The following OLFM2 variants were observed in gnomAD, a reference collection of about 807,000 sequenced individuals.
OLFM2 encodes the protein olfactomedin 2.
Under a neutral mutation model 43.9 loss-of-function variants are expected in OLFM2, and 20 were observed. That is an observed-to-expected ratio of 0.46 (90% CI 0.32 to 0.66). The LOEUF is 0.66. OLFM2 is among the 30% of genes least tolerant of loss of function. The probability of loss-of-function intolerance (pLI) is 0.04; values close to 1 mark genes in which losing one functional copy is unlikely to be tolerated. For missense variants in OLFM2, 416 were observed against 643.6 expected, an observed-to-expected ratio of 0.65 and a Z score of 3.83; for synonymous variants, 268 against 278.6, an observed-to-expected ratio of 0.96 and a Z score of 0.38.
At chr19:9,913,348 GC>G (rs1276460841) in intron 1 of OLFM2, 1 of 399,288 alleles carries the variant, frequency 2.5e-6, no homozygotes, top group Non-Finnish European at 3.5e-6. Context: ...CCCTACCCAG[GC>G]GTGCCGGGCA....
In OLFM2 at chr19:9,856,819, A is replaced by G; in HGVS notation, c.675T>C (p.Ser225=). Residue 225 remains serine (S), a synonymous_variant, in exon 5 of 6, where the codon AGT becomes AGC. Coordinates refer to ENST00000264833, the MANE Select transcript of OLFM2 (RefSeq NM_058164.4). The surrounding 1 kb of genome is among the most constrained non-coding windows in gnomAD (Gnocchi z 4.0). ...CGCAGTCACTCACCCGGCTATCCGC[A>G]CTGGGGGCCATCGTGTCAGTCATCC... ...GSWMTDTMAP[S]ADSRVWYMDG... is the part of the protein sequence containing the mutation. The G allele has an allele frequency of 1.9e-6, 3 of 1,613,340 alleles. No homozygotes were observed. Among genetic ancestry groups the G allele is most frequent in the Non-Finnish European group, 2.5e-6 (3 of 1,179,774 alleles).
At chr19:9,905,558 T>A (rs1490599294) in intron 1 of OLFM2, among the ~76,000 whole-genome samples, 2 of 145,792 alleles carry the variant, frequency 1.4e-5, no homozygotes, top group Non-Finnish European at 3.0e-5. Context: ...GGAGAATCAC[T>A]GGAACCCGGG....
At chr19:9,855,407 A>G (rs2046308642) in intron 5 of OLFM2, among the ~76,000 whole-genome samples, 1 of 150,902 alleles carries the variant, frequency 6.6e-6, no homozygotes, top group African/African-American at 2.4e-5. Flanking sequence ...CACCCGGCTA[A>G]TTTTTGTATT....
intron 1 of OLFM2, among the ~76,000 whole-genome samples, chr19:9,878,943 C>A (rs1389001007): frequency 2.0e-5 from 3 of 152,076 alleles, no homozygotes; most frequent in Non-Finnish European, 4.4e-5. Context: ...ACCTCCTGGA[C>A]TCAAGCGATC....
intron 1 of OLFM2, among the ~76,000 whole-genome samples, chr19:9,902,926 C>T (rs2046753298): frequency 6.6e-6 from 1 of 151,856 alleles, no homozygotes; most frequent in South Asian, 2.1e-4. Flanking sequence ...GATCCTCCTG[C>T]CTTGGCCTCC....
rs1053279377 is a variant in OLFM2, at chr19:9,929,892, A to G, written c.63+6412T>C. 9.2e-5 allele frequency among the ~76,000 whole-genome samples: 14 copies of G among 152,238 alleles called. 1 individual carries two copies. Among genetic ancestry groups the G allele is most frequent in the Admixed American group, 1.3e-4 (2 of 15,282 alleles). On this transcript the variant is annotated intron_variant, in intron 1 of 5. Coordinates refer to ENST00000264833, the MANE Select transcript of OLFM2 (RefSeq NM_058164.4). ...TCGTCTCTACTAAAAATACAAAATT[A>G]GCTGGATGTGGTGGTGCATGCCCGT...
chr19:9,870,602 C>T (rs1421513273), intron 1 of OLFM2, among the ~76,000 whole-genome samples: 1 of 152,208 alleles, frequency 6.6e-6, no homozygotes, highest in East Asian at 1.9e-4. Context: ...TCCCAGGTCA[C>T]AGGATGCTTA....
intron 1 of OLFM2, among the ~76,000 whole-genome samples, chr19:9,916,995 C>T (rs945263146): frequency 2.0e-5 from 3 of 152,130 alleles, no homozygotes; most frequent in African/African-American, 2.4e-5. Context: ...CTCCCTAAAA[C>T]TCTGTATCTT....
intron 1 of OLFM2, among the ~76,000 whole-genome samples, chr19:9,861,203 GTTT>G (rs113853813): frequency 7.7e-6 from 1 of 129,782 alleles, no homozygotes. Flanking sequence ...GCCACTTAAT[GTTT>G]TTTTTTTTTT....
At chr19:9,897,439 C>T (rs747639749) in intron 1 of OLFM2, among the ~76,000 whole-genome samples, 11 of 151,816 alleles carry the variant, frequency 7.2e-5, no homozygotes, top group Non-Finnish European at 1.5e-4. Flanking sequence ...TTGAGGCTGC[C>T]GTGAGCTGGG....
chr19:9,890,887 G>T (rs1384501026), intron 1 of OLFM2, among the ~76,000 whole-genome samples: 1 of 151,774 alleles, frequency 6.6e-6, no homozygotes, highest in Non-Finnish European at 1.5e-5. Context: ...CCAGGAGTTG[G>T]AGGCTGCAGT....
At chr19:9,882,995 T>C (rs960190295) in intron 1 of OLFM2, among the ~76,000 whole-genome samples, 4 of 149,236 alleles carry the variant, frequency 2.7e-5, no homozygotes, top group Non-Finnish European at 1.5e-5. Flanking sequence ...GGTTAGGAGG[T>C]CGAGACCAGC....
intron 1 of OLFM2, among the ~76,000 whole-genome samples, chr19:9,901,029 A>T: frequency 2.5e-5 from 1 of 40,696 alleles, no homozygotes; most frequent in Admixed American, 3.6e-4. Context: ...AAGGGAGGGA[A>T]GGAAGCGGGG....
At position 9,856,013 on chromosome 19, in the gene OLFM2, TTAAC is replaced by T. The variant is rs552598975; in HGVS notation, c.687+790_687+793del. Among the ~76,000 whole-genome samples, 33 of 152,332 alleles carry T rather than the reference TTAAC, an allele frequency of 2.2e-4. No individual in the cohort carries two copies. Among genetic ancestry groups the T allele is most frequent in the African/African-American group, 2.9e-4 (12 of 41,572 alleles). ...ACATCACTTGAATTCACTGCCATGG[TTAAC>T]TAACCCCTGTCACCATGAGGTGACC... On this transcript the variant is annotated intron_variant, in intron 5 of 5. Transcript: ENST00000264833. The surrounding 1 kb of genome is among the most constrained non-coding windows in gnomAD (Gnocchi z 4.0).
chr19:9,932,718 G>C (rs568909701), intron 1 of OLFM2, among the ~76,000 whole-genome samples: 1 of 152,102 alleles, frequency 6.6e-6, no homozygotes, highest in Non-Finnish European at 1.5e-5. Context: ...CCCCAGGAAA[G>C]AGTTGGTCCC....
At chr19:9,902,114 T>C (rs1024017790) in intron 1 of OLFM2, among the ~76,000 whole-genome samples, 3 of 151,866 alleles carry the variant, frequency 2.0e-5, no homozygotes, top group African/African-American at 7.2e-5. Flanking sequence ...CTGCAAGCTC[T>C]GCCTCCTAGG....
intron 1 of OLFM2, among the ~76,000 whole-genome samples, chr19:9,874,125 C>T (rs900911754): frequency 3.3e-5 from 5 of 152,144 alleles, no homozygotes; most frequent in Non-Finnish European, 4.4e-5. Flanking sequence ...ATTAACTAAA[C>T]TCTAGACTTT....
At chr19:9,868,306 C>T (rs1019732971) in intron 1 of OLFM2, among the ~76,000 whole-genome samples, 8 of 152,216 alleles carry the variant, frequency 5.3e-5, no homozygotes, top group African/African-American at 1.9e-4. Flanking sequence ...AGGTGATCTG[C>T]CCGCCTTACC....
intron 1 of OLFM2, among the ~76,000 whole-genome samples, chr19:9,922,008 C>T (rs982236402): frequency 5.9e-5 from 9 of 151,742 alleles, no homozygotes; most frequent in South Asian, 2.1e-4. Flanking sequence ...GTGGGAAGAT[C>T]GCTTGAGCCC....
Sources: gnomAD v4.1 joint callset for allele counts (sites outside exome capture counted in the v4.1 genomes callset) on GRCh38, gnomAD v4.1.1 for gene constraint, Gnocchi (gnomAD v3.1) non-coding constraint, MANE v1.5 for transcripts, NCBI Gene and HGNC (gene_info 2026-07-23, HGNC 2026-07-21) for gene names.